The following SNX29 variants were observed in gnomAD, a reference collection of about 807,000 sequenced individuals.
SNX29 encodes the protein sorting nexin 29.
SNX29 carries 78 observed loss-of-function variants against 102.1 expected under a neutral mutation model. That is an observed-to-expected ratio of 0.76 (90% CI 0.64 to 0.92). SNX29 has a LOEUF of 0.92. SNX29 is among the 40% of genes least tolerant of loss of function. The probability of loss-of-function intolerance (pLI) is 0.00; values close to 1 mark genes in which losing one functional copy is unlikely to be tolerated. For synonymous variants in SNX29, 580 were observed against 414.5 expected, an observed-to-expected ratio of 1.40 and a Z score of -4.85; for missense variants, 1,280 against 1,061.7, an observed-to-expected ratio of 1.21 and a Z score of -2.86.
intron 18 of SNX29, among the ~76,000 whole-genome samples, chr16:12,421,536 C>T (rs868823996): frequency 1.7e-4 from 26 of 152,338 alleles, no homozygotes; most frequent in South Asian, 8.3e-4. Context: ...ACACTGGCCT[C>T]TTACTCTGTA....
At chr16:12,171,430 A>G (rs538833633) in intron 13 of SNX29, among the ~76,000 whole-genome samples, 2 of 152,268 alleles carry the variant, frequency 1.3e-5, no homozygotes, top group South Asian at 2.1e-4. Flanking sequence ...ATACCAGAGC[A>G]TGGGCTTTTT....
chr16:12,287,435 A>G (rs148436524), intron 15 of SNX29, among the ~76,000 whole-genome samples: 1 of 152,246 alleles, frequency 6.6e-6, no homozygotes, highest in East Asian at 1.9e-4. Context: ...AAGAACTTCC[A>G]TATACTCATC....
chr16:12,229,157 C>G (rs550724436), intron 14 of SNX29, among the ~76,000 whole-genome samples: 7 of 152,330 alleles, frequency 4.6e-5, no homozygotes, highest in South Asian at 2.1e-4. Flanking sequence ...TGCAGTATGT[C>G]TTATTTATTC....
intron 13 of SNX29, among the ~76,000 whole-genome samples, chr16:12,168,604 G>A (rs1226944127): frequency 6.6e-6 from 1 of 152,180 alleles, no homozygotes; most frequent in Non-Finnish European, 1.5e-5. Context: ...CCGTAGCACA[G>A]GGGCATTGGC....
At chr16:12,455,519 T>C (rs1204065782) in intron 18 of SNX29, among the ~76,000 whole-genome samples, 2 of 152,216 alleles carry the variant, frequency 1.3e-5, no homozygotes, top group Non-Finnish European at 1.5e-5. Flanking sequence ...CATTAGCCAG[T>C]GTTCCTTGTC....
intron 16 of SNX29, among the ~76,000 whole-genome samples, chr16:12,391,627 A>G (rs952791714): frequency 5.3e-5 from 8 of 152,166 alleles, no homozygotes; most frequent in African/African-American, 1.7e-4. Flanking sequence ...GCGTGCATCC[A>G]TCCATCCATT....
At chr16:12,549,916 A>T (rs1218764924) in intron 20 of SNX29, among the ~76,000 whole-genome samples, 3 of 152,230 alleles carry the variant, frequency 2.0e-5, no homozygotes, top group African/African-American at 7.2e-5. Flanking sequence ...CCCACAGGCC[A>T]AATCTTACCC....
chr16:12,551,946 G>C (rs2078003546), intron 20 of SNX29, among the ~76,000 whole-genome samples: 1 of 152,214 alleles, frequency 6.6e-6, no homozygotes, highest in Non-Finnish European at 1.5e-5. Flanking sequence ...GATCCAGTGA[G>C]ATTCCCCAGC....
chr16:12,439,243 G>A (rs1007066183), intron 18 of SNX29, among the ~76,000 whole-genome samples: 3 of 142,706 alleles, frequency 2.1e-5, no homozygotes, highest in African/African-American at 7.9e-5. Context: ...TAGTGGGCCA[G>A]CAGCTGCATG....
At chr16:11,997,763 G>A (rs2056140065) in intron 1 of SNX29, among the ~76,000 whole-genome samples, 1 of 152,168 alleles carries the variant, frequency 6.6e-6, no homozygotes, top group African/African-American at 2.4e-5. Context: ...ACAGGTGTGA[G>A]CCACTGTACC....
intron 13 of SNX29, among the ~76,000 whole-genome samples, chr16:12,159,506 G>C (rs887463610): frequency 2.0e-4 from 31 of 152,150 alleles, no homozygotes; most frequent in African/African-American, 7.5e-4. Flanking sequence ...GAGACTGTAG[G>C]TTCCATGGAC....
At chr16:12,565,564 C>A (rs915251777) in intron 20 of SNX29, among the ~76,000 whole-genome samples, 2 of 152,076 alleles carry the variant, frequency 1.3e-5, no homozygotes, top group African/African-American at 4.8e-5. Context: ...GTCACAGAAG[C>A]CTACTGTCAC....
chr16:12,423,115 A>G lies in SNX29; in HGVS notation c.2037+19586A>G, dbSNP rs180689892. Among the ~76,000 whole-genome samples the G allele has an allele frequency of 9.2e-5, 14 of 152,260 alleles. No individual in the cohort carries two copies. In the East Asian group the frequency reaches 1.4e-3, roughly 15 times the overall value. On this transcript the variant is annotated intron_variant, in intron 18 of 20. Transcript: ENST00000566228. ...CGAGGTGATACCAAGCCTTCATGCTACAGGCACAATGCAAGTTCCAAAGAT... is the reference window on the plus strand; with the variant it reads ...CGAGGTGATACCAAGCCTTCATGCTGCAGGCACAATGCAAGTTCCAAAGAT...
At chr16:12,328,683 T>C (rs1204782696) in intron 15 of SNX29, among the ~76,000 whole-genome samples, 1 of 152,230 alleles carries the variant, frequency 6.6e-6, no homozygotes, top group Non-Finnish European at 1.5e-5. Context: ...TTGGATGCCC[T>C]CTAAATTTGA....
intron 3 of SNX29, among the ~76,000 whole-genome samples, chr16:12,006,507 A>G (rs909727470): frequency 8.1e-5 from 12 of 147,928 alleles, no homozygotes; most frequent in Non-Finnish European, 1.6e-4. Flanking sequence ...CAAGAGCGAT[A>G]CTGTCTCAGA....
chr16:12,197,933 T>G (rs1216197694), intron 13 of SNX29, among the ~76,000 whole-genome samples: 1 of 151,910 alleles, frequency 6.6e-6, no homozygotes, highest in Non-Finnish European at 1.5e-5. Flanking sequence ...TGAGAAGTAG[T>G]CAGCTGCATT....
At chr16:12,495,754 GAC>G (rs1248279416) in intron 19 of SNX29, among the ~76,000 whole-genome samples, 4 of 152,164 alleles carry the variant, frequency 2.6e-5, no homozygotes, top group Non-Finnish European at 4.4e-5. Context: ...GAATGTGAGA[GAC>G]AGAATGTCTG....
At chr16:12,244,087 C>T (rs7189571) in intron 14 of SNX29, among the ~76,000 whole-genome samples, 5,386 of 152,216 alleles carry the variant, frequency 0.035, 346 homozygotes, top group African/African-American at 0.12. Flanking sequence ...GCTCACAATA[C>T]GGTTCATGCA....
chr16:12,518,413 G>T (rs1408173436), intron 19 of SNX29, among the ~76,000 whole-genome samples: 1 of 152,152 alleles, frequency 6.6e-6, no homozygotes, highest in Non-Finnish European at 1.5e-5. Flanking sequence ...GTTTCTTCTT[G>T]CATTTGCTGT....
Sources: allele counts gnomAD v4.1 joint callset (sites outside exome capture counted in the v4.1 genomes callset), GRCh38; gene constraint gnomAD v4.1.1; transcripts MANE v1.5; gene names NCBI Gene and HGNC (gene_info 2026-07-23, HGNC 2026-07-21).